MIB1: variants seen among roughly 807,000 people sequenced by gnomAD.
The protein encoded by MIB1 is MIB E3 ubiquitin protein ligase 1.
MIB1 carries 278 observed loss-of-function variants against 124.5 expected under a neutral mutation model. That is an observed-to-expected ratio of 2.23 (90% CI 2.02 to 2.47). The LOEUF is 2.47. Among genes scored for constraint, MIB1 ranks in the 30% most tolerant of loss-of-function variants. MIB1 has a pLI of 0.00. For missense variants in MIB1, 957 were observed against 1,254.4 expected (o/e 0.76, Z 3.58); for synonymous variants, 446 against 429.4 (o/e 1.04, Z -0.48).
chr18:21,733,105 G>A (rs763268367), intron 1 of MIB1, among the ~76,000 whole-genome samples: 2 of 152,092 alleles, frequency 1.3e-5, no homozygotes, highest in African/African-American at 2.4e-5. Flanking sequence ...GTAAAGTTGT[G>A]TTCCATCTCT....
intron 12 of MIB1, among the ~76,000 whole-genome samples, chr18:21,820,421 T>C (rs1484045669): frequency 1.3e-5 from 2 of 152,182 alleles, no homozygotes; most frequent in Non-Finnish European, 2.9e-5. Flanking sequence ...TGGTTCCTTA[T>C]TGTATTTTTA....
chr18:21,724,721 AAAAAAAATATATATATATATATAT>A (rs1452541883), intron 1 of MIB1, among the ~76,000 whole-genome samples: 2 of 58,116 alleles, frequency 3.4e-5, no homozygotes, highest in Non-Finnish European at 6.6e-5. Context: ...CCAAAAAAAA[AAAAAAAATATATATATATATATAT>A]ATATATATAT....
intron 3 of MIB1, among the ~76,000 whole-genome samples, chr18:21,773,324 T>C (rs977449416): frequency 2.6e-4 from 40 of 152,242 alleles, no homozygotes; most frequent in African/African-American, 9.6e-4. Flanking sequence ...AGAATAAAAA[T>C]ATTTTAAATT....
Position 21,802,818 on chromosome 18 carries a change from G to A in MIB1, c.1372-1089G>A, listed in dbSNP as rs146163859. On this transcript the variant is annotated intron_variant, in intron 9 of 20. Coordinates refer to ENST00000261537, the MANE Select transcript of MIB1 (RefSeq NM_020774.4). Reference sequence around the variant, plus strand: ...TGTTGACTTTGCATTATGGTGATTGGGTATGTAGAGTTTTGGGGGATCTCT... The same window carrying A: ...TGTTGACTTTGCATTATGGTGATTGAGTATGTAGAGTTTTGGGGGATCTCT... 1.2e-3 allele frequency among the ~76,000 whole-genome samples: 186 copies of A among 152,096 alleles called. 1 individual carries two copies. The highest frequency in any genetic ancestry group is 2.3e-3 in the Non-Finnish European group (154 of 67,986).
At chr18:21,837,180 C>A (rs1011001066) in intron 12 of MIB1, among the ~76,000 whole-genome samples, 3 of 152,132 alleles carry the variant, frequency 2.0e-5, no homozygotes, top group Non-Finnish European at 4.4e-5. Flanking sequence ...AGCTGTGATT[C>A]TCAGTATACT....
At chr18:21,709,700 T>TGAA (rs1193761637) in intron 1 of MIB1, among the ~76,000 whole-genome samples, 1 of 152,126 alleles carries the variant, frequency 6.6e-6, no homozygotes, top group African/African-American at 2.4e-5. Context: ...CAAACACAGA[T>TGAA]GAAGGTTCAG....
intron 1 of MIB1, among the ~76,000 whole-genome samples, chr18:21,717,635 AT>A (rs1326746029): frequency 6.6e-6 from 1 of 152,236 alleles, no homozygotes; most frequent in Non-Finnish European, 1.5e-5. Context: ...GGCCAAAAAA[AT>A]ATGAAAAAAT....
chr18:21,796,753 G>A (rs1017557987), intron 7 of MIB1, among the ~76,000 whole-genome samples: 14 of 152,126 alleles, frequency 9.2e-5, no homozygotes, highest in Non-Finnish European at 2.1e-4. Context: ...TTGACAAGAG[G>A]TGAACAAAAT....
intron 7 of MIB1, among the ~76,000 whole-genome samples, chr18:21,793,038 C>T (rs2041524788): frequency 6.6e-6 from 1 of 152,222 alleles, no homozygotes; most frequent in African/African-American, 2.4e-5. Flanking sequence ...AGATAAACCA[C>T]TGACAGCTAT....
At chr18:21,848,825 A>G (rs113839172) in intron 16 of MIB1, among the ~76,000 whole-genome samples, 2 of 152,266 alleles carry the variant, frequency 1.3e-5, no homozygotes, top group Admixed American at 1.3e-4. Flanking sequence ...GGGGCTAGTG[A>G]GGATTTTTGT....
At chr18:21,747,871 A>G (rs986281880) in intron 1 of MIB1, among the ~76,000 whole-genome samples, 3 of 152,166 alleles carry the variant, frequency 2.0e-5, no homozygotes, top group South Asian at 2.1e-4. Context: ...AAAGCAGGGT[A>G]TGCTGTGTTG....
intron 20 of MIB1, among the ~76,000 whole-genome samples, chr18:21,859,813 C>T (rs1460209496): frequency 1.1e-4 from 15 of 137,204 alleles, no homozygotes; most frequent in Non-Finnish European, 7.6e-5. Flanking sequence ...CGCTTGAACC[C>T]GGGAGGTGGA....
At chr18:21,824,553 A>G (rs1167887117) in intron 12 of MIB1, among the ~76,000 whole-genome samples, 1 of 152,066 alleles carries the variant, frequency 6.6e-6, no homozygotes, top group Non-Finnish European at 1.5e-5. Context: ...TCATGCATCT[A>G]CTCTCAAACA....
intron 2 of MIB1, 91 bp downstream of exon 2, chr18:21,766,034 G>A: frequency 8.1e-7 from 1 of 1,231,828 alleles, no homozygotes; most frequent in Non-Finnish European, 1.2e-6. Flanking sequence ...TTAGCAAATA[G>A]CTTCTGACAG....
intron 1 of MIB1, among the ~76,000 whole-genome samples, chr18:21,732,351 TACACACACACACACAC>T (rs59731612): frequency 2.8e-5 from 4 of 140,970 alleles, no homozygotes; most frequent in African/African-American, 7.9e-5. Context: ...ATTATATGTA[TACACACACACACACAC>T]ACACACACAC....
intron 9 of MIB1, among the ~76,000 whole-genome samples, chr18:21,801,398 A>G (rs752385063): frequency 3.9e-5 from 6 of 152,170 alleles, no homozygotes; most frequent in Non-Finnish European, 5.9e-5. Flanking sequence ...TATGTTATAT[A>G]AATGACATTC....
intron 15 of MIB1, among the ~76,000 whole-genome samples, chr18:21,846,324 A>T (rs1016223034): frequency 6.6e-6 from 1 of 152,176 alleles, no homozygotes; most frequent in African/African-American, 2.4e-5. Flanking sequence ...ACTTACCTCG[A>T]TAAGGTTGTT....
At chr18:21,840,577 C>A (rs2042074065) in intron 13 of MIB1, among the ~76,000 whole-genome samples, 2 of 149,990 alleles carry the variant, frequency 1.3e-5, no homozygotes, top group African/African-American at 2.5e-5. Flanking sequence ...TAGCTCAAAT[C>A]TAGGAGTTCG....
chr18:21,858,623 C>G lies in MIB1; in HGVS notation c.2857C>G (p.Gln953Glu), dbSNP rs1367102154. 6.3e-7 allele frequency: 1 copy of G among 1,587,932 alleles called. No individual in the cohort carries two copies. The highest frequency in any genetic ancestry group is 1.1e-5 in the South Asian group (1 of 90,402). ...TGCAGATGTGCAAAAGTTGCAGCAA[C>G]AGTTACAAGACATTAAAGAGCAGGT... Reference protein sequence around the residue: ...VNADVQKLQQQLQDIKEQTMC... With the variant: ...VNADVQKLQQELQDIKEQTMC... Residue 953 changes from glutamine (Q) to glutamate (E), a missense_variant, in exon 20 of 21, where the codon CAG becomes GAG. Transcript: ENST00000261537.
Sources: allele counts gnomAD v4.1 joint callset (sites outside exome capture counted in the v4.1 genomes callset), GRCh38; gene constraint gnomAD v4.1.1; transcripts MANE v1.5; gene names NCBI Gene and HGNC (gene_info 2026-07-23, HGNC 2026-07-21).